Variants in SPOCK3 observed in about 807,000 individuals in gnomAD.
The protein encoded by SPOCK3 is testican-3.
A neutral mutation model predicts 56.6 loss-of-function variants in SPOCK3; 30 were observed. The observed-to-expected ratio is 0.53, with a 90% CI of 0.40 to 0.72. SPOCK3 has a LOEUF of 0.72. SPOCK3 is among the 30% of genes least tolerant of loss of function. The pLI, the probability that SPOCK3 is intolerant of heterozygous loss-of-function variation, is 0.00. For synonymous variants in SPOCK3, 196 were observed against 183.3 expected (o/e 1.07, Z -0.56); for missense variants, 527 against 530.0 (o/e 0.99, Z 0.06).
chr4:167,092,817 G>A (rs966344228), intron 2 of SPOCK3, among the ~76,000 whole-genome samples: 1 of 152,038 alleles, frequency 6.6e-6, no homozygotes, highest in Non-Finnish European at 1.5e-5. Context: ...AATTAAACAA[G>A]CTCCCAAAAT....
At chr4:167,133,622 T>G (rs1229085407) in intron 2 of SPOCK3, among the ~76,000 whole-genome samples, 1 of 152,234 alleles carries the variant, frequency 6.6e-6, no homozygotes, top group Non-Finnish European at 1.5e-5. Flanking sequence ...AAATCTATTT[T>G]ATTTTTAATC....
At chr4:167,188,807 G>A (rs1732235415) in intron 2 of SPOCK3, among the ~76,000 whole-genome samples, 1 of 145,636 alleles carries the variant, frequency 6.9e-6, no homozygotes, top group Non-Finnish European at 1.5e-5. Context: ...TGATAATAAG[G>A]GAATATTAGA....
intron 6 of SPOCK3, among the ~76,000 whole-genome samples, chr4:166,846,506 C>G (rs778552650): frequency 4.6e-5 from 7 of 151,828 alleles, no homozygotes; most frequent in Non-Finnish European, 7.4e-5. Flanking sequence ...GTGATTCATC[C>G]TAAGTGACAA....
chr4:166,950,457 G>C (rs1185270589), intron 4 of SPOCK3, among the ~76,000 whole-genome samples: 3 of 151,720 alleles, frequency 2.0e-5, no homozygotes, highest in African/African-American at 7.3e-5. Flanking sequence ...GACCTACAAA[G>C]AGACTTAGAC....
At chr4:166,769,377 C>G (rs1250105553) in intron 7 of SPOCK3, among the ~76,000 whole-genome samples, 1 of 152,096 alleles carries the variant, frequency 6.6e-6, no homozygotes, top group African/African-American at 2.4e-5. Context: ...TGTGGATGTC[C>G]TTTCTGTTTG....
At position 167,222,900 on chromosome 4, in the gene SPOCK3, T is replaced by C. The variant is rs1367020829; in HGVS notation, c.189+11085A>G. Among the ~76,000 whole-genome samples, 4 of 128,144 alleles carry C rather than the reference T, an allele frequency of 3.1e-5. No homozygotes were observed. The Admixed American group carries it at 3.4e-4, about 11-fold the overall frequency. The allele number at this position is 128,144 out of a possible 152,430, so 84.1% of individuals were successfully genotyped here. ...ATATTGATATATGAATATATAAATATATAAACATAGATATGTTTATATATG... is the reference window on the plus strand; with the variant it reads ...ATATTGATATATGAATATATAAATACATAAACATAGATATGTTTATATATG... On this transcript the variant is annotated intron_variant, in intron 2 of 10. Transcript: ENST00000357545.
At chr4:166,807,075 T>C (rs1018306640) in intron 6 of SPOCK3, among the ~76,000 whole-genome samples, 7 of 151,980 alleles carry the variant, frequency 4.6e-5, no homozygotes, top group Non-Finnish European at 8.8e-5. Flanking sequence ...GGACTGTAAC[T>C]GAAACTGCAG....
intron 4 of SPOCK3, among the ~76,000 whole-genome samples, chr4:166,971,478 T>TAAA (rs1554012259): frequency 1.5e-4 from 23 of 151,186 alleles, no homozygotes; most frequent in Non-Finnish European, 2.5e-4. Context: ...TTTCTCCCAA[T>TAAA]TACAAGCAAA....
intron 1 of SPOCK3, 97 bp downstream of exon 1, chr4:167,234,353 C>T: frequency 1.6e-6 from 1 of 632,264 alleles, no homozygotes; most frequent in Non-Finnish European, 2.8e-6. Flanking sequence ...CGGGCACTCA[C>T]ACACACGCAG....
chr4:167,054,338 T>C (rs1439732157), intron 3 of SPOCK3, among the ~76,000 whole-genome samples: 1 of 152,226 alleles, frequency 6.6e-6, no homozygotes, highest in African/African-American at 2.4e-5. Flanking sequence ...TACAGCATAT[T>C]CATCTAAAGC....
intron 2 of SPOCK3, among the ~76,000 whole-genome samples, chr4:167,116,129 G>C (rs1761307466): frequency 6.6e-6 from 1 of 151,744 alleles, no homozygotes; most frequent in Non-Finnish European, 1.5e-5. Flanking sequence ...AATGACTTAT[G>C]CATGCTCTAT....
At chr4:167,001,115 T>A (rs1302436285) in intron 3 of SPOCK3, among the ~76,000 whole-genome samples, 9 of 152,214 alleles carry the variant, frequency 5.9e-5, no homozygotes, top group African/African-American at 1.9e-4. Flanking sequence ...TTTTATAACA[T>A]CTTTATTTAT....
chr4:167,195,128 G>A (rs1732820970), intron 2 of SPOCK3, among the ~76,000 whole-genome samples: 1 of 152,176 alleles, frequency 6.6e-6, no homozygotes, highest in Non-Finnish European at 1.5e-5. Context: ...AGGTTACTTG[G>A]CTGCTTCAGG....
At chr4:167,059,662 A>G (rs1755357862) in intron 3 of SPOCK3, among the ~76,000 whole-genome samples, 1 of 152,108 alleles carries the variant, frequency 6.6e-6, no homozygotes. Flanking sequence ...GTATATACCC[A>G]AAGGACTATA....
At chr4:167,046,332 G>A (rs1489578197) in intron 3 of SPOCK3, among the ~76,000 whole-genome samples, 1 of 149,748 alleles carries the variant, frequency 6.7e-6, no homozygotes, top group African/African-American at 2.5e-5. Flanking sequence ...TCTTCTTGGT[G>A]TTCCCTGAGC....
chr4:166,844,586 C>A (rs1747857170), intron 6 of SPOCK3, among the ~76,000 whole-genome samples: 1 of 152,170 alleles, frequency 6.6e-6, no homozygotes, highest in Non-Finnish European at 1.5e-5. Flanking sequence ...ACCTTGGACT[C>A]AAACTGCAAC....
At chr4:167,010,706 C>A (rs1391019123) in intron 3 of SPOCK3, among the ~76,000 whole-genome samples, 1 of 151,832 alleles carries the variant, frequency 6.6e-6, no homozygotes, top group Non-Finnish European at 1.5e-5. Flanking sequence ...CCGACGGACC[C>A]AGAAGGAATA....
In SPOCK3 at chr4:166,898,513, T is replaced by C. The variant is rs188689012; in HGVS notation, c.475-9269A>G. Among the ~76,000 whole-genome samples the C allele has an allele frequency of 3.9e-4, 59 of 152,242 alleles. No homozygotes were observed. The East Asian group carries it at 9.3e-3, about 24-fold the overall frequency. On this transcript the variant is annotated intron_variant, in intron 5 of 10. Transcript: ENST00000357545. Reference sequence around the variant, plus strand: ...GTGGCACTGGATTCAACTGATAATATCTGGGCAGGGTTTACACTATAAAAG... The same window carrying C: ...GTGGCACTGGATTCAACTGATAATACCTGGGCAGGGTTTACACTATAAAAG...
chr4:167,221,885 G>GAA (rs1268227274), intron 2 of SPOCK3, among the ~76,000 whole-genome samples: 2 of 152,084 alleles, frequency 1.3e-5, no homozygotes, highest in African/African-American at 4.8e-5. Context: ...AACCACCACG[G>GAA]AAAACAGTAT....
Sources: gnomAD v4.1 joint callset for allele counts (sites outside exome capture counted in the v4.1 genomes callset) on GRCh38, gnomAD v4.1.1 for gene constraint, MANE v1.5 for transcripts, NCBI Gene and HGNC (gene_info 2026-07-23, HGNC 2026-07-21) for gene names.